Variants in SH2D1A observed in about 807,000 individuals in gnomAD.
The protein encoded by SH2D1A is SH2 domain containing 1A.
Under a neutral mutation model 10.1 loss-of-function variants are expected in SH2D1A, and 6 were observed. The ratio of observed to expected loss-of-function variants is 0.60; its 90% CI spans 0.33 to 1.18. The LOEUF (loss-of-function observed/expected upper bound fraction) is 1.18. SH2D1A is among the 50% of genes most tolerant of loss of function. SH2D1A has a pLI of 0.04. For synonymous variants in SH2D1A, 42 were observed against 36.9 expected (o/e 1.14, Z -0.51); for missense variants, 51 against 97.6 (o/e 0.52, Z 2.01).
At chrX:124,358,026 A>G (rs2060030410) in intron 1 of SH2D1A, among the ~76,000 whole-genome samples, 1 of 108,395 alleles carries the variant, frequency 9.2e-6, no homozygotes, top group African/African-American at 3.4e-5. Flanking sequence ...TATATTTTGG[A>G]TATTAACTCC....
At chrX:124,358,958 A>G (rs2060032841) in intron 1 of SH2D1A, among the ~76,000 whole-genome samples, 4 of 111,693 alleles carry the variant, frequency 3.6e-5, no homozygotes, top group Admixed American at 2.9e-4. Flanking sequence ...CTTGTATGAC[A>G]TATTATAGTA....
intron 2 of SH2D1A, among the ~76,000 whole-genome samples, chrX:124,367,268 A>G (rs1203132740): frequency 5.3e-5 from 6 of 112,348 alleles, no homozygotes; most frequent in African/African-American, 1.9e-4. Context: ...TTTGAAATGC[A>G]TATTGCATTT....
At chrX:124,367,844 C>T (rs1366572977) in intron 2 of SH2D1A, among the ~76,000 whole-genome samples, 1 of 111,847 alleles carries the variant, frequency 8.9e-6, no homozygotes, top group Admixed American at 9.5e-5. Flanking sequence ...GATAATTCCA[C>T]AATCTACTTT....
chrX:124,363,890 CAAAAAAA>C (rs1211666787), intron 1 of SH2D1A, among the ~76,000 whole-genome samples: 4 of 33,279 alleles, frequency 1.2e-4, no homozygotes, highest in Admixed American at 6.1e-4. Context: ...GACTCTATCT[CAAAAAAA>C]AAAAAAAAAA....
At chrX:124,368,959 G>C (rs1271779130) in intron 2 of SH2D1A, among the ~76,000 whole-genome samples, 4 of 111,371 alleles carry the variant, frequency 3.6e-5, no homozygotes, top group Non-Finnish European at 7.5e-5. Flanking sequence ...AGAGAGTGGG[G>C]TGGAGCTGGG....
At position 124,370,318 on chromosome X, in the gene SH2D1A, C is replaced by T. The variant is rs1399866805; in HGVS notation, c.344C>T (p.Thr115Ile). The part of the protein sequence containing the change: ...KSSARSTQGT[T>I]GIREDPDVCL... ...TCAGCTAGAAGTACACAAGGTACTA[C>T]AGGTATGATTTCCTCTTAATTTTTG... The change falls in exon 3 of 4, where the codon ACA becomes ATA. Residue 115 changes from threonine to isoleucine, a missense_variant and splice_region_variant. By Grantham distance (89) the Thr-to-Ile change is moderately conservative. Coordinates refer to ENST00000371139, the MANE Select transcript of SH2D1A (RefSeq NM_002351.5). 1 of 1,202,034 alleles carries T rather than the reference C, an allele frequency of 8.3e-7. No individual in the cohort carries two copies. Among genetic ancestry groups the T allele is most frequent in the Non-Finnish European group, 1.1e-6 (1 of 886,826 alleles).
intron 1 of SH2D1A, among the ~76,000 whole-genome samples, chrX:124,348,985 T>C (rs748596734): frequency 2.7e-5 from 3 of 112,420 alleles, no homozygotes; most frequent in Non-Finnish European, 5.6e-5. Context: ...AAGTACCTTA[T>C]GCAAGAGAGA....
intron 1 of SH2D1A, among the ~76,000 whole-genome samples, chrX:124,349,208 G>C (rs1294538849): frequency 8.9e-6 from 1 of 111,959 alleles, no homozygotes; most frequent in East Asian, 2.8e-4. Flanking sequence ...CTTTCAAATG[G>C]TACACTGGGG....
chrX:124,349,734 C>T (rs1285733283), intron 1 of SH2D1A, among the ~76,000 whole-genome samples: 1 of 110,656 alleles, frequency 9.0e-6, no homozygotes, highest in Non-Finnish European at 1.9e-5. Context: ...ATGGCCTTTT[C>T]TTCTGTTCTG....
intron 1 of SH2D1A, among the ~76,000 whole-genome samples, chrX:124,348,449 C>T (rs767203064): frequency 1.8e-5 from 2 of 111,544 alleles, no homozygotes; most frequent in East Asian, 2.8e-4. Context: ...TTCAGCCTCA[C>T]GGGGCTCCTG....
chrX:124,357,334 G>A, intron 1 of SH2D1A, among the ~76,000 whole-genome samples: 1 of 112,037 alleles, frequency 8.9e-6, no homozygotes, highest in Non-Finnish European at 1.9e-5. Context: ...TGTGTTTAAG[G>A]CTGAATAGTA....
At chrX:124,369,749 T>C (rs1258142080) in intron 2 of SH2D1A, among the ~76,000 whole-genome samples, 1 of 111,944 alleles carries the variant, frequency 8.9e-6, no homozygotes, top group Admixed American at 9.5e-5. Flanking sequence ...TCTTTTGTTG[T>C]TGTTCCTCAG....
rs1603239421 is a variant in SH2D1A, at chrX:124,370,325, GATTTCCTCTTA to G, written c.346+10_346+20del. The G allele has an allele frequency of 1.7e-6, 2 of 1,197,700 alleles. No individual in the cohort carries two copies. On this transcript the variant is annotated splice_donor_region_variant and intron_variant, in intron 3 of 3. Coordinates refer to ENST00000371139, the MANE Select transcript of SH2D1A (RefSeq NM_002351.5). ...GAAGTACACAAGGTACTACAGGTATGATTTCCTCTTAATTTTTGACAGGGTTTGGAAGCTCA... is the reference window on the plus strand; with the variant it reads ...GAAGTACACAAGGTACTACAGGTATGATTTTTGACAGGGTTTGGAAGCTCA...
Position 124,371,559 on chromosome X carries a change from C to T in SH2D1A, c.*168C>T. 1 of 320,641 alleles carries T rather than the reference C, an allele frequency of 3.1e-6. No homozygotes were observed. Among genetic ancestry groups the T allele is most frequent in the Non-Finnish European group, 5.5e-6 (1 of 181,482 alleles). 26.4% of individuals were successfully genotyped at this position (320,641 alleles called of 1,213,427 possible). A position where few individuals can be genotyped will look rare whatever the true frequency, so the allele number is the denominator to read the frequency against. ...GTCAAAGCTGAAATGGACTTTTGTA[C>T]ATAGTGAGGAGCTTTGAAACGAGGA... is the stretch of plus-strand genomic sequence containing the variant. On this transcript the variant is annotated 3_prime_UTR_variant, in exon 4 of 4. Transcript: ENST00000371139.
chrX:124,362,329 G>A (rs1603238456), intron 1 of SH2D1A, among the ~76,000 whole-genome samples: 1 of 112,374 alleles, frequency 8.9e-6, no homozygotes, highest in Non-Finnish European at 1.9e-5. Context: ...AGCTGTGGGG[G>A]TGATGCTGCT....
chrX:124,348,576 G>T (rs2059999775), intron 1 of SH2D1A, among the ~76,000 whole-genome samples: 1 of 111,451 alleles, frequency 9.0e-6, no homozygotes, highest in Admixed American at 9.6e-5. Flanking sequence ...CCTCAGAGAG[G>T]ACTTGCTTGA....
At chrX:124,349,233 G>A (rs1394261790) in intron 1 of SH2D1A, among the ~76,000 whole-genome samples, 1 of 112,074 alleles carries the variant, frequency 8.9e-6, no homozygotes, top group East Asian at 2.8e-4. Context: ...AAAGTCTTAT[G>A]TGACTGTTAG....
intron 1 of SH2D1A, among the ~76,000 whole-genome samples, chrX:124,365,151 A>G (rs2060050916): frequency 9.0e-6 from 1 of 110,713 alleles, no homozygotes. Context: ...CAACAACGAA[A>G]TCACCTAATG....
At chrX:124,350,645 GAT>G (rs1157259440) in intron 1 of SH2D1A, among the ~76,000 whole-genome samples, 6 of 40,067 alleles carry the variant, frequency 1.5e-4, no homozygotes, top group African/African-American at 2.6e-4. Flanking sequence ...TTGTATATAA[GAT>G]ATAATATATT....
Sources: gnomAD v4.1 joint callset for allele counts (sites outside exome capture counted in the v4.1 genomes callset) on GRCh38, gnomAD v4.1.1 for gene constraint, MANE v1.5 for transcripts, NCBI Gene and HGNC (gene_info 2026-07-23, HGNC 2026-07-21) for gene names.